Variants in FAM171A1 observed in about 807,000 individuals in gnomAD.
FAM171A1 encodes family with sequence similarity 171 member A1.
A neutral mutation model predicts 74.9 loss-of-function variants in FAM171A1; 23 were observed. The observed-to-expected ratio is 0.31, with a 90% confidence interval of 0.22 to 0.44. The LOEUF (loss-of-function observed/expected upper bound fraction) is 0.44, where lower values mean the gene tolerates loss of function less well. Ranked by LOEUF, FAM171A1 falls within the 20% of genes least tolerant of loss-of-function variation. The pLI is 1.00. For synonymous variants in FAM171A1, 527 were observed against 505.7 expected (o/e 1.04, Z -0.57); for missense variants, 1,162 against 1,159.2 (o/e 1.00, Z -0.03).
intron 5 of FAM171A1, among the ~76,000 whole-genome samples, chr10:15,231,695 G>A (rs1232472246): frequency 6.6e-6 from 1 of 152,048 alleles, no homozygotes. Context: ...TTCACTAGGT[G>A]GCCAGTGCTT....
chr10:15,279,078 AC>A (rs1834932771), intron 2 of FAM171A1, among the ~76,000 whole-genome samples: 1 of 152,042 alleles, frequency 6.6e-6, no homozygotes, highest in Non-Finnish European at 1.5e-5. Flanking sequence ...GCAGACATTT[AC>A]AAGGCCCTGA....
At chr10:15,310,042 A>G (rs949271748) in intron 1 of FAM171A1, among the ~76,000 whole-genome samples, 3 of 152,194 alleles carry the variant, frequency 2.0e-5, no homozygotes, top group South Asian at 2.1e-4. Context: ...TAAAACTAAA[A>G]AAGTTGGGCT....
intron 1 of FAM171A1, among the ~76,000 whole-genome samples, chr10:15,343,729 C>T (rs778820348): frequency 2.5e-4 from 38 of 152,142 alleles, no homozygotes; most frequent in Non-Finnish European, 4.9e-4. Context: ...GGACGGGGGA[C>T]AGCCTTGGGC....
Position 15,213,125 on chromosome 10 carries a change from A to C in FAM171A1, c.2463T>G (p.Ser821Arg). The change falls in exon 8 of 8, where the codon AGT (serine) becomes AGG (arginine). Residue 821 changes from serine (S) to arginine (R), a missense_variant. Transcript: ENST00000378116. This position sits in a 1 kb window ranked among gnomAD's most constrained non-coding sequence, Gnocchi z 6.8. ...SALRCLLEGS[S>R]RRSGGQLPSL... is the part of the protein sequence containing the mutation. ...TGGGCAGCTGGCCACCACTTCTCCG[A>C]CTCGACCCCTCCAACAAGCATCGCA... 6.2e-7 allele frequency: 1 copy of C among 1,613,156 alleles called. No homozygotes were observed. The highest frequency in any genetic ancestry group is 8.5e-7 in the Non-Finnish European group (1 of 1,179,780).
intron 1 of FAM171A1, among the ~76,000 whole-genome samples, chr10:15,364,287 A>T (rs1001750713): frequency 6.6e-6 from 1 of 152,078 alleles, no homozygotes; most frequent in East Asian, 1.9e-4. Flanking sequence ...CAGCACACTC[A>T]ATGGACCCGA....
intron 3 of FAM171A1, among the ~76,000 whole-genome samples, chr10:15,266,883 AAAAGAG>A (rs1564627655): frequency 2.0e-5 from 3 of 151,600 alleles, no homozygotes; most frequent in African/African-American, 7.3e-5. Context: ...AAAAAAAAAA[AAAAGAG>A]AGAGAGAAAA....
chr10:15,244,520 T>C (rs958012317), intron 5 of FAM171A1, among the ~76,000 whole-genome samples: 1 of 152,162 alleles, frequency 6.6e-6, no homozygotes, highest in South Asian at 2.1e-4. Flanking sequence ...CCCTGTCTCT[T>C]AAAAACAAAA....
chr10:15,371,163 CG>C lies in FAM171A1; in HGVS notation c.-112del. ...CCTCCATGTCGCTGGCTCCGCGCGC[CG>C]GGCCCGCCGCCCGATTGGCCCGGCC... On this transcript the variant is annotated 5_prime_UTR_variant, in exon 1 of 8. Transcript: ENST00000378116. 1 of 259,848 alleles carries C rather than the reference CG, an allele frequency of 3.8e-6. No individual in the cohort carries two copies. The highest frequency in any genetic ancestry group is 5.9e-6 in the Non-Finnish European group (1 of 170,166). The allele number at this position is 259,848 out of a possible 1,614,324, so 16.1% of individuals were successfully genotyped here. A position where few individuals can be genotyped will look rare whatever the true frequency, so the allele number is the denominator to read the frequency against.
At chr10:15,303,550 G>T (rs1835258235) in intron 1 of FAM171A1, among the ~76,000 whole-genome samples, 1 of 152,168 alleles carries the variant, frequency 6.6e-6, no homozygotes, top group Non-Finnish European at 1.5e-5. Flanking sequence ...TCTCTCGCCT[G>T]GAGAAATAAG....
intron 5 of FAM171A1, among the ~76,000 whole-genome samples, chr10:15,247,831 G>A (rs569841341): frequency 6.6e-6 from 1 of 152,312 alleles, no homozygotes; most frequent in East Asian, 1.9e-4. Flanking sequence ...AAACTACCGT[G>A]TAGTAAGCAG....
intron 5 of FAM171A1, among the ~76,000 whole-genome samples, chr10:15,226,538 T>G (rs1312196036): frequency 1.3e-5 from 2 of 151,930 alleles, no homozygotes; most frequent in Non-Finnish European, 2.9e-5. Flanking sequence ...CCAGGACACC[T>G]CCTGAACCAT....
chr10:15,333,406 A>G (rs528134755), intron 1 of FAM171A1, among the ~76,000 whole-genome samples: 208 of 152,332 alleles, frequency 1.4e-3, no homozygotes, highest in Admixed American at 3.0e-3. Context: ...AGGCTAGGAC[A>G]GGAGAATTGC....
chr10:15,364,941 A>C (rs1020695584), intron 1 of FAM171A1, among the ~76,000 whole-genome samples: 6 of 152,146 alleles, frequency 3.9e-5, no homozygotes, highest in Non-Finnish European at 7.3e-5. Context: ...AATTCAGACT[A>C]ATCTTCCCAT....
At chr10:15,231,111 T>C (rs1834199566) in intron 5 of FAM171A1, among the ~76,000 whole-genome samples, 1 of 152,202 alleles carries the variant, frequency 6.6e-6, no homozygotes, top group Admixed American at 6.5e-5. Flanking sequence ...AGACATGTGG[T>C]AGGATGCTTG....
Position 15,283,890 on chromosome 10 carries a change from T to A in FAM171A1, c.313A>T (p.Ile105Phe), listed in dbSNP as rs574343678. 41 of 1,614,162 alleles carry A rather than the reference T, an allele frequency of 2.5e-5. No individual in the cohort carries two copies. The East Asian group carries it at 8.0e-4, about 32-fold the overall frequency. Reference protein sequence around the residue: ...YVPNSAPWKPIRLPVFSSLSL... With the variant: ...YVPNSAPWKPFRLPVFSSLSL... ...AGGAACGCCTTACCAGGTAACCGGA[T>A]TGGCTTCCATGGGGCAGAGTTTGGC... Residue 105 changes from isoleucine (I) to phenylalanine (F), a missense_variant, in exon 2 of 8, where the codon ATC becomes TTC. Ile to Phe is a conservative substitution (Grantham distance 21). Transcript: ENST00000378116.
intron 3 of FAM171A1, among the ~76,000 whole-genome samples, chr10:15,271,331 G>A (rs757474729): frequency 1.3e-5 from 2 of 152,162 alleles, no homozygotes; most frequent in African/African-American, 2.4e-5. Flanking sequence ...GAGAAGTTTA[G>A]AGAAATAAAG....
chr10:15,351,927 C>T (rs1326879507), intron 1 of FAM171A1, among the ~76,000 whole-genome samples: 1 of 152,002 alleles, frequency 6.6e-6, no homozygotes, highest in Non-Finnish European at 1.5e-5. Flanking sequence ...GTGGCTCATG[C>T]CTGTAATCCC....
chr10:15,233,680 G>A (rs1467574698), intron 5 of FAM171A1, among the ~76,000 whole-genome samples: 2 of 152,086 alleles, frequency 1.3e-5, no homozygotes, highest in Non-Finnish European at 1.5e-5. Context: ...GAGGTGGGTG[G>A]ATCATGAGGT....
intron 1 of FAM171A1, among the ~76,000 whole-genome samples, chr10:15,332,231 C>T (rs901051165): frequency 1.2e-4 from 19 of 152,114 alleles, no homozygotes; most frequent in African/African-American, 4.6e-4. Flanking sequence ...GCTAGGATTA[C>T]AGGAGTGAGC....
Sources: gnomAD v4.1 joint callset for allele counts (sites outside exome capture counted in the v4.1 genomes callset) on GRCh38, gnomAD v4.1.1 for gene constraint, Gnocchi (gnomAD v3.1) non-coding constraint, MANE v1.5 for transcripts, NCBI Gene and HGNC (gene_info 2026-07-23, HGNC 2026-07-21) for gene names.